The following MICU2 variants were observed in gnomAD, a reference collection of about 807,000 sequenced individuals.
The protein encoded by MICU2 is mitochondrial calcium uptake 2, also known as calcium uptake protein 2, mitochondrial.
A neutral mutation model predicts 60.4 loss-of-function variants in MICU2; 64 were observed. The observed-to-expected ratio is 1.06, with a 90% CI of 0.87 to 1.31. The LOEUF is 1.31. MICU2 is among the 50% of genes most tolerant of loss of function. MICU2 has a pLI of 0.00. For synonymous variants in MICU2, 201 were observed against 175.0 expected, an observed-to-expected ratio of 1.15 and a Z score of -1.17; for missense variants, 569 against 531.0, an observed-to-expected ratio of 1.07 and a Z score of -0.70.
intron 1 of MICU2, among the ~76,000 whole-genome samples, chr13:21,587,820 C>T (rs1453577243): frequency 2.6e-5 from 4 of 152,088 alleles, no homozygotes; most frequent in African/African-American, 9.7e-5. Context: ...ATAAGTACTT[C>T]AGAATGGTAG....
chr13:21,538,720 G>A lies in MICU2; in HGVS notation c.466+582C>T, dbSNP rs116099442. Reference sequence around the variant, plus strand: ...ATGGGAGGATGTTTGTAGGTTATACGCAAATATGATGCCATTTTATATCAG... The same window carrying A: ...ATGGGAGGATGTTTGTAGGTTATACACAAATATGATGCCATTTTATATCAG... On this transcript the variant is annotated intron_variant, in intron 4 of 11. Coordinates refer to ENST00000382374, the MANE Select transcript of MICU2 (RefSeq NM_152726.3). Among the ~76,000 whole-genome samples, 631 of 152,162 alleles carry A rather than the reference G, an allele frequency of 4.1e-3. 7 individuals carry two copies. The highest frequency in any genetic ancestry group is 0.014 in the African/African-American group (597 of 41,496).
chr13:21,504,764 T>G (rs1886254600), intron 8 of MICU2, among the ~76,000 whole-genome samples: 1 of 152,158 alleles, frequency 6.6e-6, no homozygotes, highest in Non-Finnish European at 1.5e-5. Flanking sequence ...GTACAGGCTG[T>G]GAGTCTATCA....
intron 8 of MICU2, among the ~76,000 whole-genome samples, chr13:21,504,742 C>G (rs1022895045): frequency 2.0e-5 from 3 of 152,130 alleles, no homozygotes; most frequent in Non-Finnish European, 2.9e-5. Context: ...CAGTGTTGTA[C>G]TGGAGTGGCG....
At chr13:21,523,451 A>C (rs1886775386) in intron 4 of MICU2, among the ~76,000 whole-genome samples, 1 of 152,250 alleles carries the variant, frequency 6.6e-6, no homozygotes, top group Non-Finnish European at 1.5e-5. Flanking sequence ...AATTCAGTAG[A>C]ATAACAAGAG....
intron 2 of MICU2, among the ~76,000 whole-genome samples, chr13:21,540,579 T>G (rs1269421714): frequency 6.6e-6 from 1 of 152,186 alleles, no homozygotes; most frequent in South Asian, 2.1e-4. Context: ...GCAAATTCTA[T>G]TATTTGGTAT....
intron 1 of MICU2, among the ~76,000 whole-genome samples, chr13:21,588,635 A>G (rs1888508408): frequency 6.6e-6 from 1 of 152,158 alleles, no homozygotes; most frequent in Admixed American, 6.6e-5. Flanking sequence ...TTCATCCCCA[A>G]GCGGATGTGT....
chr13:21,540,322 T>C (rs1312886375), intron 2 of MICU2, among the ~76,000 whole-genome samples: 1 of 152,136 alleles, frequency 6.6e-6, no homozygotes, highest in African/African-American at 2.4e-5. Context: ...TAGGACTTAC[T>C]CTGATGATAG....
At chr13:21,507,465 A>T (rs1207534077) in intron 8 of MICU2, among the ~76,000 whole-genome samples, 1 of 152,106 alleles carries the variant, frequency 6.6e-6, no homozygotes, top group East Asian at 1.9e-4. Context: ...ACATTGAGAG[A>T]CTGATATTTT....
chr13:21,527,776 A>G (rs1161251726), intron 4 of MICU2, among the ~76,000 whole-genome samples: 1 of 152,254 alleles, frequency 6.6e-6, no homozygotes, highest in Non-Finnish European at 1.5e-5. Flanking sequence ...GAAACGAGTA[A>G]GTTCTGACTT....
At chr13:21,575,552 A>G (rs1215893434) in intron 1 of MICU2, among the ~76,000 whole-genome samples, 1 of 151,586 alleles carries the variant, frequency 6.6e-6, no homozygotes, top group Non-Finnish European at 1.5e-5. Flanking sequence ...GCGAGACATC[A>G]TATCTACAAA....
intron 4 of MICU2, among the ~76,000 whole-genome samples, chr13:21,534,734 C>T (rs1412905285): frequency 1.3e-5 from 2 of 152,124 alleles, no homozygotes; most frequent in Non-Finnish European, 2.9e-5. Flanking sequence ...TTTTAGGCAA[C>T]ATACCAAGCA....
At chr13:21,508,403 C>T (rs1470568766) in intron 8 of MICU2, among the ~76,000 whole-genome samples, 5 of 152,276 alleles carry the variant, frequency 3.3e-5, no homozygotes, top group South Asian at 2.1e-4. Flanking sequence ...GGATTACAGG[C>T]GTGAGCCACC....
intron 4 of MICU2, among the ~76,000 whole-genome samples, chr13:21,525,072 G>T (rs919353603): frequency 6.6e-6 from 1 of 151,678 alleles, no homozygotes; most frequent in Non-Finnish European, 1.5e-5. Context: ...GAATAATGCA[G>T]CTACAAATAT....
At chr13:21,564,674 C>A (rs1238700885) in intron 2 of MICU2, among the ~76,000 whole-genome samples, 2 of 152,106 alleles carry the variant, frequency 1.3e-5, no homozygotes, top group African/African-American at 2.4e-5. Context: ...GGTGGCTGGG[C>A]TCCAGTAAAA....
chr13:21,544,211 T>G (rs1887353009), intron 2 of MICU2, among the ~76,000 whole-genome samples: 2 of 151,978 alleles, frequency 1.3e-5, no homozygotes, highest in African/African-American at 4.8e-5. Flanking sequence ...CAAAACCACT[T>G]TAAGAAAACA....
intron 9 of MICU2, among the ~76,000 whole-genome samples, chr13:21,500,824 A>G (rs1886133739): frequency 6.6e-6 from 1 of 152,148 alleles, no homozygotes; most frequent in South Asian, 2.1e-4. Context: ...GACTCTCATT[A>G]TAATTTTTGC....
rs67873561 is a variant in MICU2, at chr13:21,560,623, A to AAC, written c.358+6172_358+6173dup. ...AAATTTTCAAATCAGCTTGTCAAAA[A>AAC]ACACACACACACACACACACACGTG... On this transcript the variant is annotated intron_variant, in intron 2 of 11. Transcript: ENST00000382374. 9.4e-3 allele frequency among the ~76,000 whole-genome samples: 1,268 copies of AAC among 134,988 alleles called. 14 individuals carry two copies. Among genetic ancestry groups the AAC allele is most frequent in the African/African-American group, 0.028 (1,138 of 40,044 alleles). The allele number at this position is 134,988 out of a possible 152,430, so 88.6% of individuals were successfully genotyped here. A position where few individuals can be genotyped will look rare whatever the true frequency, so the allele number is the denominator to read the frequency against.
At chr13:21,555,430 T>C (rs1036797540) in intron 2 of MICU2, among the ~76,000 whole-genome samples, 8 of 152,160 alleles carry the variant, frequency 5.3e-5, no homozygotes, top group Non-Finnish European at 8.8e-5. Flanking sequence ...CACATGATTA[T>C]CTCAATAGAT....
intron 2 of MICU2, among the ~76,000 whole-genome samples, chr13:21,565,737 G>T (rs940419488): frequency 6.6e-6 from 1 of 152,162 alleles, no homozygotes; most frequent in Admixed American, 6.5e-5. Flanking sequence ...GGAGGCTGAG[G>T]CAGGAGAATT....
Sources: allele counts gnomAD v4.1 joint callset (sites outside exome capture counted in the v4.1 genomes callset), GRCh38; gene constraint gnomAD v4.1.1; transcripts MANE v1.5; gene names NCBI Gene and HGNC (gene_info 2026-07-23, HGNC 2026-07-21).